CD163L1: variants seen among roughly 807,000 people sequenced by gnomAD.
The protein encoded by CD163L1 is scavenger receptor cysteine-rich type 1 protein M160.
In CD163L1, 124 loss-of-function variants were observed where a neutral mutation model predicts 165.4. The observed-to-expected ratio is 0.75, with a 90% CI of 0.65 to 0.87. CD163L1 has a LOEUF of 0.87. Ranked by LOEUF, CD163L1 falls within the 40% of genes least tolerant of loss-of-function variation. The pLI is 0.00. For synonymous variants in CD163L1, 585 were observed against 662.2 expected (o/e 0.88, Z 1.79); for missense variants, 1,525 against 1,799.9 (o/e 0.85, Z 2.76).
intron 4 of CD163L1, among the ~76,000 whole-genome samples, chr12:7,416,725 T>A (rs973178552): frequency 1.3e-5 from 2 of 152,130 alleles, no homozygotes; most frequent in African/African-American, 4.8e-5. Context: ...ATCAGATGGT[T>A]GTAGGTGTGT....
At chr12:7,425,431 C>T (rs533708271) in intron 4 of CD163L1, among the ~76,000 whole-genome samples, 93 of 152,144 alleles carry the variant, frequency 6.1e-4, no homozygotes, top group Non-Finnish European at 1.1e-3. Flanking sequence ...CGGGCAAAGA[C>T]TTTATGACTA....
intron 4 of CD163L1, among the ~76,000 whole-genome samples, chr12:7,427,098 T>G (rs1212629080): frequency 6.6e-6 from 1 of 152,056 alleles, no homozygotes; most frequent in African/African-American, 2.4e-5. Flanking sequence ...TAATACGTAA[T>G]AGTAGGGATT....
At chr12:7,407,433 A>G (rs1299650050) in intron 4 of CD163L1, among the ~76,000 whole-genome samples, 3 of 152,036 alleles carry the variant, frequency 2.0e-5, no homozygotes, top group African/African-American at 7.2e-5. Context: ...CTAAAGGTGA[A>G]AGCAAGTGTG....
rs150104338 is a variant in CD163L1, at chr12:7,431,159, A to T, written c.766+1257T>A. On this transcript the variant is annotated intron_variant, in intron 4 of 19. Transcript: ENST00000313599. ...ATTCTTCAGCCGGGTGCGGTGGCTCACGGCTGTAATCCCTGCACTTTGGGA... is the reference window on the plus strand; with the variant it reads ...ATTCTTCAGCCGGGTGCGGTGGCTCTCGGCTGTAATCCCTGCACTTTGGGA... Among the ~76,000 whole-genome samples the T allele has an allele frequency of 7.0e-3, 1,071 of 152,230 alleles. 13 individuals are homozygous for T. The highest frequency in any genetic ancestry group is 0.024 in the African/African-American group (1,015 of 41,536).
rs1330843123 is a variant in CD163L1 at position 7,396,220 on chromosome 12, T to C, written c.1925A>G (p.Tyr642Cys). ...AACATCATCGAGCCAAATTTTTCCA[T>C]ATCCTGTAGAAGCGTTTCCCAGACC... The part of the protein sequence containing the change: ...GMGLGNASTG[Y>C]GKIWLDDVSC... Residue 642 changes from tyrosine to cysteine, a missense_variant, in exon 8 of 20, where the codon TAT (tyrosine) becomes TGT (cysteine). Transcript: ENST00000313599. 1 of 1,614,182 alleles carries C rather than the reference T, an allele frequency of 6.2e-7. No individual in the cohort carries two copies. Among genetic ancestry groups the C allele is most frequent in the South Asian group, 1.1e-5 (1 of 91,074 alleles).
chr12:7,391,082 G>C (rs1947644854), intron 8 of CD163L1, among the ~76,000 whole-genome samples: 1 of 152,170 alleles, frequency 6.6e-6, no homozygotes, highest in Admixed American at 6.5e-5. Flanking sequence ...AACAGGGTCT[G>C]GAGTGGACCT....
At chr12:7,404,687 A>G (rs1167607577) in intron 5 of CD163L1, among the ~76,000 whole-genome samples, 1 of 152,162 alleles carries the variant, frequency 6.6e-6, no homozygotes, top group Non-Finnish European at 1.5e-5. Context: ...ATAATTTGCT[A>G]TCTAGTGAGA....
chr12:7,323,028 C>A, the CD163L1 span, among the ~76,000 whole-genome samples: 1 of 152,240 alleles, frequency 6.6e-6, no homozygotes, highest in Non-Finnish European at 1.5e-5. Context: ...GCCCATCAAT[C>A]TGTGTTTCAA....
Position 7,398,515 on chromosome 12 carries a change from TATTTCACCTCCAATCTCCCATAAC to T in CD163L1, c.1454_1477del (p.Cys485_Lys492del). ...ACACACAGTCCCCCACTCTCCTTGGTATTTCACCTCCAATCTCCCATAACAGGGGCTATGAGCCCCGACAAGCCT... is the reference window on the plus strand; with the variant it reads ...ACACACAGTCCCCCACTCTCCTTGGTAGGGGCTATGAGCCCCGACAAGCCT... On this transcript the variant is annotated inframe_deletion, in exon 7 of 20. Coordinates refer to ENST00000313599, the MANE Select transcript of CD163L1 (RefSeq NM_174941.6). The surrounding 1 kb of genome is among the most constrained non-coding windows in gnomAD (Gnocchi z 4.5). The T allele has an allele frequency of 6.2e-7, 1 of 1,613,572 alleles. No homozygotes were observed. Among genetic ancestry groups the T allele is most frequent in the Non-Finnish European group, 8.5e-7 (1 of 1,179,692 alleles).
chr12:7,350,080 C>T (rs768793250), downstream of CD163L1, among the ~76,000 whole-genome samples: 10 of 152,240 alleles, frequency 6.6e-5, no homozygotes, highest in South Asian at 4.2e-4. Flanking sequence ...TGAGGAGCTA[C>T]GGAGAAAGTC....
the CD163L1 span, among the ~76,000 whole-genome samples, chr12:7,325,202 T>C: frequency 6.6e-6 from 1 of 152,312 alleles, no homozygotes; most frequent in South Asian, 2.1e-4. Flanking sequence ...TTGGTGTCAG[T>C]CCCACCAGAG....
chr12:7,338,501 T>C, the CD163L1 span, among the ~76,000 whole-genome samples: 1 of 152,148 alleles, frequency 6.6e-6, no homozygotes, highest in Non-Finnish European at 1.5e-5. Flanking sequence ...TCCTTGGTGC[T>C]TCAACTTAGA....
chr12:7,431,427 C>CAA (rs11423206), intron 4 of CD163L1, among the ~76,000 whole-genome samples: 46 of 147,514 alleles, frequency 3.1e-4, no homozygotes, highest in Admixed American at 7.4e-4. Context: ...AGACTCCATC[C>CAA]AAAAAAAAAA....
the CD163L1 span, among the ~76,000 whole-genome samples, chr12:7,326,127 T>G: frequency 6.6e-6 from 1 of 152,228 alleles, no homozygotes; most frequent in Non-Finnish European, 1.5e-5. Flanking sequence ...AAACAGCATT[T>G]CAAAGAGAAG....
chr12:7,347,727 C>T lies in CD163L1; in HGVS notation c.*25-580G>A, dbSNP rs911826978. Among the ~76,000 whole-genome samples, 17 of 151,828 alleles carry T rather than the reference C, an allele frequency of 1.1e-4. No homozygotes were observed. Among genetic ancestry groups the T allele is most frequent in the African/African-American group, 2.7e-4 (11 of 41,384 alleles). ...GAGCTTGCAGTGAACCAAGTTCACG[C>T]GCCACTGCACTCCAGCCTGGGTGAC... On this transcript the variant is annotated intron_variant, in intron 4 of 4. Coordinates refer to the CD163L1 transcript ENST00000539726. This position sits in a 1 kb window ranked among gnomAD's most constrained non-coding sequence, Gnocchi z 4.2.
At chr12:7,426,489 T>C (rs1280707453) in intron 4 of CD163L1, among the ~76,000 whole-genome samples, 2 of 151,896 alleles carry the variant, frequency 1.3e-5, no homozygotes, top group African/African-American at 4.8e-5. Context: ...AAAAGGACTT[T>C]GGGGACTTGG....
chr12:7,404,008 A>G (rs1947966260), intron 5 of CD163L1, 153 bp from the exon 6 acceptor site: 1 of 529,638 alleles, frequency 1.9e-6, no homozygotes, highest in Non-Finnish European at 3.1e-6. Flanking sequence ...TTGTTTTAAA[A>G]TTTTAAAGAT....
the CD163L1 span, chr12:7,323,292 G>C: frequency 6.2e-7 from 1 of 1,611,212 alleles, no homozygotes; most frequent in Non-Finnish European, 8.5e-7. Context: ...ATGGGGAAAG[G>C]AATGCTGCCC....
At chr12:7,357,516 A>T (rs771311913) in intron 18 of CD163L1, 30 bp from the exon 19 acceptor site, 1 of 1,593,828 alleles carries the variant, frequency 6.3e-7, no homozygotes, top group Admixed American at 1.7e-5. Flanking sequence ...TGTATTATTG[A>T]ATAGTAGAAA....
Sources: allele counts gnomAD v4.1 joint callset (sites outside exome capture counted in the v4.1 genomes callset), GRCh38; gene constraint gnomAD v4.1.1; non-coding constraint Gnocchi (gnomAD v3.1); transcripts MANE v1.5; gene names NCBI Gene and HGNC (gene_info 2026-07-23, HGNC 2026-07-21).